ADK: variants seen among roughly 807,000 people sequenced by gnomAD.
The protein encoded by ADK is N6,N6-dimethyladenosine kinase.
In ADK, 24 loss-of-function variants were observed where a neutral mutation model predicts 44.7. That is an observed-to-expected ratio of 0.54 (90% CI 0.39 to 0.76). The LOEUF (loss-of-function observed/expected upper bound fraction) is 0.76, where lower values mean the gene tolerates loss of function less well. Ranked by LOEUF, ADK falls within the 30% of genes least tolerant of loss-of-function variation. The pLI is 0.00. For missense variants in ADK, 321 were observed against 425.1 expected (o/e 0.76, Z 2.15); for synonymous variants, 128 against 142.6 (o/e 0.90, Z 0.73).
chr10:74,221,653 G>A (rs1354947485), intron 2 of ADK, among the ~76,000 whole-genome samples: 1 of 147,010 alleles, frequency 6.8e-6, no homozygotes, highest in East Asian at 1.9e-4. Flanking sequence ...AAACAGCATG[G>A]TACTGGTACC....
At chr10:74,362,290 A>T (rs1284455069) in intron 4 of ADK, among the ~76,000 whole-genome samples, 1 of 142,360 alleles carries the variant, frequency 7.0e-6, no homozygotes, top group Non-Finnish European at 1.5e-5. Flanking sequence ...ATTTTTAATC[A>T]TTTTTCTTTG....
intron 10 of ADK, among the ~76,000 whole-genome samples, chr10:74,701,835 T>C (rs1440207873): frequency 2.0e-5 from 3 of 152,070 alleles, no homozygotes; most frequent in Non-Finnish European, 4.4e-5. Context: ...CAGCTGCTAC[T>C]TGGGAGACTG....
chr10:74,682,113 T>C (rs1414546252), intron 10 of ADK, among the ~76,000 whole-genome samples: 2 of 152,296 alleles, frequency 1.3e-5, no homozygotes, highest in Admixed American at 6.5e-5. Flanking sequence ...TGAAGAAGAA[T>C]GACTTTTAAA....
At chr10:74,510,121 T>C (rs1261024492) in intron 6 of ADK, among the ~76,000 whole-genome samples, 1 of 152,226 alleles carries the variant, frequency 6.6e-6, no homozygotes, top group East Asian at 1.9e-4. Flanking sequence ...TGCTGGATCA[T>C]GTAGTAGTTC....
At chr10:74,307,553 A>G (rs370444845) in intron 3 of ADK, among the ~76,000 whole-genome samples, 1 of 152,276 alleles carries the variant, frequency 6.6e-6, no homozygotes, top group South Asian at 2.1e-4. Flanking sequence ...CATCAGTAGG[A>G]ATGTTGGCTG....
At chr10:74,587,561 C>G (rs1049889669) in intron 7 of ADK, among the ~76,000 whole-genome samples, 27 of 152,162 alleles carry the variant, frequency 1.8e-4, no homozygotes, top group African/African-American at 6.0e-4. Context: ...CAAATTTCTG[C>G]TGAAGACACT....
chr10:74,447,816 A>G (rs1311113542), intron 6 of ADK, among the ~76,000 whole-genome samples: 1 of 152,324 alleles, frequency 6.6e-6, no homozygotes, highest in African/African-American at 2.4e-5. Flanking sequence ...TGAATAATGT[A>G]TATACTGTTA....
At position 74,151,342 on chromosome 10, in the gene ADK, A is replaced by T. The variant is rs1172325985; in HGVS notation, c.64A>T (p.Arg22Ter). 53 of 1,549,502 alleles carry T rather than the reference A, an allele frequency of 3.4e-5. No homozygotes were observed. The highest frequency in any genetic ancestry group is 4.6e-5 in the Non-Finnish European group (53 of 1,146,766). ...GAAGGTGGAGGCGCCGCAAGCGCTG[A>T]GGTGAGCGCTGCCGGACTTGGGGAG... ...KLKVEAPQAL[R>*]ENILFGMGNP... is the part of the protein sequence containing the mutation. Residue 22 changes from arginine to a stop codon, truncating the protein, a stop_gained and splice_region_variant, in exon 1 of 11, where the codon AGA becomes TGA. Transcript: ENST00000539909. LOFTEE classifies it high-confidence loss of function.
At chr10:74,639,760 C>T (rs1853772269) in intron 9 of ADK, among the ~76,000 whole-genome samples, 1 of 152,086 alleles carries the variant, frequency 6.6e-6, no homozygotes, top group African/African-American at 2.4e-5. Context: ...CGCTTGATCC[C>T]AGGAGGCAGA....
chr10:74,371,618 C>A, intron 4 of ADK: 1 of 1,024,486 alleles, frequency 9.8e-7, no homozygotes, highest in Non-Finnish European at 1.5e-6. Flanking sequence ...TAGGTGGTAC[C>A]AATCTTGACT....
chr10:74,527,532 C>T, intron 7 of ADK: 1 of 663,340 alleles, frequency 1.5e-6, no homozygotes. Context: ...AAAAATATAG[C>T]AGAGCACGCA....
intron 8 of ADK, among the ~76,000 whole-genome samples, chr10:74,590,574 G>A (rs1386669341): frequency 6.6e-6 from 1 of 152,032 alleles, no homozygotes; most frequent in Admixed American, 6.6e-5. Flanking sequence ...TCCAGAGTAG[G>A]GAAACTTGCT....
At chr10:74,172,373 A>C (rs1038417887) in intron 1 of ADK, among the ~76,000 whole-genome samples, 1 of 152,020 alleles carries the variant, frequency 6.6e-6, no homozygotes, top group Non-Finnish European at 1.5e-5. Context: ...CTGGGATTAC[A>C]GGTGTGAGCC....
rs192892248 is a variant in ADK, at chr10:74,660,994, T to A, written c.878-9189T>A. ...TTGCAGTGAGCTGAGATTGTGTAAC[T>A]GCACTCCAGCCTGGGTGACAGAGCA... On this transcript the variant is annotated intron_variant, in intron 9 of 10. Transcript: ENST00000539909. Among the ~76,000 whole-genome samples the A allele has an allele frequency of 1.5e-3, 224 of 151,834 alleles. No homozygotes were observed. In the Middle Eastern group the frequency reaches 0.027, roughly 18 times the overall value.
At chr10:74,535,126 G>A (rs529620034) in intron 7 of ADK, among the ~76,000 whole-genome samples, 1 of 152,194 alleles carries the variant, frequency 6.6e-6, no homozygotes, top group Non-Finnish European at 1.5e-5. Flanking sequence ...GTATTCAGGA[G>A]TGCTTCATAG....
chr10:74,425,516 CA>C lies in ADK; in HGVS notation c.555+26950del, dbSNP rs143289138. ...ATATTTTAAAGCTGGCTGTCCAGGG[CA>C]AAAAAAAAAAAATCCTAATTTCTCA... On this transcript the variant is annotated intron_variant, in intron 6 of 10. Coordinates refer to ENST00000539909, the MANE Select transcript of ADK (RefSeq NM_006721.4). Among the ~76,000 whole-genome samples the C allele has an allele frequency of 2.4e-3, 328 of 134,556 alleles. 1 individual carries two copies. The highest frequency in any genetic ancestry group is 0.016 in the East Asian group (74 of 4,748). 88.3% of individuals were successfully genotyped at this position (134,556 alleles called of 152,430 possible). A position where few individuals can be genotyped will look rare whatever the true frequency, so the allele number is the denominator to read the frequency against.
At chr10:74,188,839 C>A (rs1842859644) in intron 1 of ADK, among the ~76,000 whole-genome samples, 1 of 152,142 alleles carries the variant, frequency 6.6e-6, no homozygotes, top group East Asian at 1.9e-4. Flanking sequence ...GTGGTACGAT[C>A]TTCGTTTACT....
intron 3 of ADK, among the ~76,000 whole-genome samples, chr10:74,234,748 C>T (rs987537385): frequency 4.6e-5 from 7 of 152,058 alleles, no homozygotes; most frequent in African/African-American, 1.7e-4. Flanking sequence ...TAACTTTATT[C>T]TTTGTGATAC....
intron 6 of ADK, among the ~76,000 whole-genome samples, chr10:74,410,455 C>T (rs1249531313): frequency 6.6e-6 from 1 of 152,044 alleles, no homozygotes; most frequent in African/African-American, 2.4e-5. Context: ...GGGTGGATCA[C>T]CTAAGATCAA....
Sources: gnomAD v4.1 joint callset for allele counts (sites outside exome capture counted in the v4.1 genomes callset) on GRCh38, gnomAD v4.1.1 for gene constraint, MANE v1.5 for transcripts, NCBI Gene and HGNC (gene_info 2026-07-23, HGNC 2026-07-21) for gene names.